Variants in DLG2 observed in about 807,000 individuals in gnomAD.
DLG2 encodes discs large MAGUK scaffold protein 2, also known as disks large homolog 2.
DLG2 carries 45 observed loss-of-function variants against 132.5 expected under a neutral mutation model. The observed-to-expected ratio is 0.34, with a 90% confidence interval of 0.27 to 0.44. The LOEUF (loss-of-function observed/expected upper bound fraction) is 0.44. Ranked by LOEUF, DLG2 falls within the 20% of genes least tolerant of loss-of-function variation. DLG2 has a pLI of 1.00. For synonymous variants in DLG2, 424 were observed against 419.6 expected (o/e 1.01, Z -0.13); for missense variants, 1,045 against 1,196.9 (o/e 0.87, Z 1.87).
chr11:85,574,285 A>C (rs1321299427), intron 3 of DLG2, among the ~76,000 whole-genome samples: 1 of 152,004 alleles, frequency 6.6e-6, no homozygotes, highest in Non-Finnish European at 1.5e-5. Flanking sequence ...TAACCTTGAT[A>C]TCTCCCTGGT....
intron 11 of DLG2, among the ~76,000 whole-genome samples, chr11:84,008,914 T>C (rs1253463318): frequency 1.3e-5 from 2 of 148,324 alleles, no homozygotes; most frequent in Non-Finnish European, 3.0e-5. Flanking sequence ...TATCTACAGA[T>C]TTTTTCTTGT....
intron 16 of DLG2, among the ~76,000 whole-genome samples, chr11:83,872,220 G>A (rs1056491245): frequency 2.0e-5 from 3 of 152,152 alleles, no homozygotes; most frequent in Non-Finnish European, 2.9e-5. Flanking sequence ...CCGAGATCAC[G>A]CCACTTCACT....
chr11:83,876,701 A>G (rs1481729308), intron 15 of DLG2, among the ~76,000 whole-genome samples: 1 of 152,136 alleles, frequency 6.6e-6, no homozygotes, highest in African/African-American at 2.4e-5. Flanking sequence ...ATGTGGAGCC[A>G]GAGTCCAAAC....
chr11:84,584,560 G>A (rs1355515489), intron 6 of DLG2, among the ~76,000 whole-genome samples: 1 of 146,300 alleles, frequency 6.8e-6, no homozygotes, highest in Non-Finnish European at 1.5e-5. Context: ...TTCCTGCTAT[G>A]TTGCTATGTT....
intron 9 of DLG2, among the ~76,000 whole-genome samples, chr11:84,152,941 T>A (rs2095337588): frequency 1.3e-5 from 2 of 152,210 alleles, no homozygotes; most frequent in African/African-American, 4.8e-5. Flanking sequence ...CCCTATAGGG[T>A]CTGTGCTATG....
chr11:85,084,742 C>T (rs2067685468), intron 6 of DLG2, among the ~76,000 whole-genome samples: 1 of 152,124 alleles, frequency 6.6e-6, no homozygotes, highest in South Asian at 2.1e-4. Context: ...ACCATTCCAC[C>T]TGTGATCACA....
intron 21 of DLG2, among the ~76,000 whole-genome samples, chr11:83,521,397 A>T (rs2095476795): frequency 6.6e-6 from 1 of 152,160 alleles, no homozygotes; most frequent in Non-Finnish European, 1.5e-5. Context: ...CTTTAGTGAC[A>T]ATTTTTTTTA....
At chr11:84,711,529 T>A (rs1003331146) in intron 6 of DLG2, among the ~76,000 whole-genome samples, 3 of 150,266 alleles carry the variant, frequency 2.0e-5, no homozygotes, top group Non-Finnish European at 4.4e-5. Flanking sequence ...CCAATTCTAG[T>A]CTAAAGGCCT....
intron 6 of DLG2, among the ~76,000 whole-genome samples, chr11:84,990,220 G>A (rs944628924): frequency 6.6e-6 from 1 of 152,182 alleles, no homozygotes; most frequent in African/African-American, 2.4e-5. Context: ...AGAATGTAAT[G>A]ATGAAATATC....
chr11:85,018,111 G>T (rs879563907), intron 6 of DLG2, among the ~76,000 whole-genome samples: 1 of 152,116 alleles, frequency 6.6e-6, no homozygotes, highest in Non-Finnish European at 1.5e-5. Context: ...GAAATTAAAT[G>T]TAGAAACCAA....
Position 85,147,779 on chromosome 11 carries a change from C to T in DLG2, c.282+6777G>A, listed in dbSNP as rs143688002. Among the ~76,000 whole-genome samples the T allele has an allele frequency of 2.1e-3, 320 of 152,172 alleles. 5 individuals carry two copies. The highest frequency in any genetic ancestry group is 3.3e-3 in the East Asian group (17 of 5,168). ...TTTACTTTATGTTCCAGGATACAGA[C>T]GCAGAATGTGCAGATTTGTTACATA... On this transcript the variant is annotated intron_variant, in intron 5 of 27. Coordinates refer to ENST00000376104, the MANE Select transcript of DLG2 (RefSeq NM_001142699.3).
rs576054580 is a variant in DLG2, at chr11:85,317,130, G to T, written c.41-31765C>A. On this transcript the variant is annotated intron_variant, in intron 3 of 27. Coordinates refer to ENST00000376104, the MANE Select transcript of DLG2 (RefSeq NM_001142699.3). Reference sequence around the variant, plus strand: ...TATTCCAGGCAAGTAAACATCTTGTGTAAAAGCTCTGACGCAGGAAGCAAC... The same window carrying T: ...TATTCCAGGCAAGTAAACATCTTGTTTAAAAGCTCTGACGCAGGAAGCAAC... Among the ~76,000 whole-genome samples the T allele has an allele frequency of 2.0e-5, 3 of 152,024 alleles. No individual in the cohort carries two copies. In the South Asian group the frequency reaches 6.2e-4, roughly 31 times the overall value.
chr11:83,604,451 G>A (rs924168017), intron 19 of DLG2, among the ~76,000 whole-genome samples: 1 of 152,146 alleles, frequency 6.6e-6, no homozygotes, highest in Non-Finnish European at 1.5e-5. Flanking sequence ...TTGAGGAACT[G>A]AATATCCTCA....
chr11:84,098,853 A>G (rs1566485326), intron 10 of DLG2, 70 bp downstream of exon 10: 5 of 1,527,186 alleles, frequency 3.3e-6, no homozygotes, highest in African/African-American at 1.4e-5. Flanking sequence ...TTATTCTTCA[A>G]AGGTACAAAT....
chr11:84,528,046 T>C (rs1199359977), intron 7 of DLG2, among the ~76,000 whole-genome samples: 1 of 152,122 alleles, frequency 6.6e-6, no homozygotes, highest in Non-Finnish European at 1.5e-5. Context: ...AAATAATTAA[T>C]TATGAATCAA....
chr11:84,596,232 A>G lies in DLG2; in HGVS notation c.358-61501T>C, dbSNP rs1383929012. Among the ~76,000 whole-genome samples the G allele has an allele frequency of 2.7e-5, 4 of 147,208 alleles. 1 individual carries two copies. Among genetic ancestry groups the G allele is most frequent in the African/African-American group, 1.0e-4 (4 of 39,284 alleles). The stretch of plus-strand genomic sequence containing the variant: ...TCTCTCTCTCTCTTTCTCTTGACGG[A>G]GCTTTGCTCTTATCACCCAGGTTGG... On this transcript the variant is annotated intron_variant, in intron 6 of 27. Coordinates refer to ENST00000376104, the MANE Select transcript of DLG2 (RefSeq NM_001142699.3).
At chr11:85,053,994 C>G (rs1405460282) in intron 6 of DLG2, among the ~76,000 whole-genome samples, 1 of 151,066 alleles carries the variant, frequency 6.6e-6, no homozygotes, top group South Asian at 2.1e-4. Flanking sequence ...AGGCCAGGCA[C>G]GGTGGCTCAG....
At chr11:84,280,326 A>G (rs1257597384) in intron 7 of DLG2, among the ~76,000 whole-genome samples, 1 of 149,632 alleles carries the variant, frequency 6.7e-6, no homozygotes. Flanking sequence ...TTTGAGACGG[A>G]GTCACGCTCT....
intron 7 of DLG2, among the ~76,000 whole-genome samples, chr11:84,429,977 A>G (rs1444476615): frequency 6.6e-6 from 1 of 152,178 alleles, no homozygotes; most frequent in Non-Finnish European, 1.5e-5. Flanking sequence ...TCTTCTCCAT[A>G]TCAGAGGTCC....
Sources: allele counts gnomAD v4.1 joint callset (sites outside exome capture counted in the v4.1 genomes callset), GRCh38; gene constraint gnomAD v4.1.1; transcripts MANE v1.5; gene names NCBI Gene and HGNC (gene_info 2026-07-23, HGNC 2026-07-21).